KCNIP1: variants seen among roughly 807,000 people sequenced by gnomAD.
The protein encoded by KCNIP1 is potassium voltage-gated channel interacting protein 1.
A neutral mutation model predicts 33.0 loss-of-function variants in KCNIP1; 18 were observed. The observed-to-expected ratio is 0.55, with a 90% CI of 0.38 to 0.81. The LOEUF (loss-of-function observed/expected upper bound fraction) is 0.81. Ranked by LOEUF, KCNIP1 falls within the 30% of genes least tolerant of loss-of-function variation. The pLI, the probability that KCNIP1 is intolerant of heterozygous loss-of-function variation, is 0.00. For synonymous variants in KCNIP1, 93 were observed against 98.3 expected (o/e 0.95, Z 0.32); for missense variants, 238 against 271.6 (o/e 0.88, Z 0.87).
chr5:170,496,811 G>C (rs1179695270), intron 1 of KCNIP1, among the ~76,000 whole-genome samples: 2 of 152,072 alleles, frequency 1.3e-5, no homozygotes, highest in Non-Finnish European at 2.9e-5. Context: ...CGGTTGCCCA[G>C]GGCCACTCTC....
intron 1 of KCNIP1, among the ~76,000 whole-genome samples, chr5:170,525,227 G>T (rs1045526300): frequency 6.6e-6 from 1 of 152,192 alleles, no homozygotes; most frequent in Admixed American, 6.5e-5. Context: ...TAGCAGAGGG[G>T]CTAAGAGCAT....
intron 1 of KCNIP1, among the ~76,000 whole-genome samples, chr5:170,527,764 A>G (rs1163077849): frequency 6.6e-6 from 1 of 150,394 alleles, no homozygotes; most frequent in Non-Finnish European, 1.5e-5. Context: ...TCACCCCAGC[A>G]TGCATGTCTC....
intron 5 of KCNIP1, among the ~76,000 whole-genome samples, chr5:170,725,702 G>C (rs1416166658): frequency 6.6e-6 from 1 of 152,080 alleles, no homozygotes; most frequent in Non-Finnish European, 1.5e-5. Context: ...ATGCTTGAAG[G>C]GATGGATACC....
chr5:170,539,017 T>G lies in KCNIP1; in HGVS notation c.61+34384T>G, dbSNP rs148371496. On this transcript the variant is annotated intron_variant, in intron 1 of 7. Coordinates refer to ENST00000328939, the MANE Select transcript of KCNIP1 (RefSeq NM_014592.4). ...GGGGTGTCATTCATTCTCTTGGCTT[T>G]AAAGACCATCCATATGCAATCTGCA... Among the ~76,000 whole-genome samples the G allele has an allele frequency of 5.3e-5, 8 of 152,080 alleles. No homozygotes were observed. In the East Asian group the frequency reaches 1.6e-3, roughly 30 times the overall value.
intron 1 of KCNIP1, among the ~76,000 whole-genome samples, chr5:170,670,368 G>A (rs1250436482): frequency 1.3e-5 from 2 of 152,186 alleles, no homozygotes; most frequent in African/African-American, 2.4e-5. Flanking sequence ...TTAAGCCTAG[G>A]ATGGGCTGAC....
At chr5:170,602,847 G>A (rs1231644702) in intron 1 of KCNIP1, among the ~76,000 whole-genome samples, 1 of 152,236 alleles carries the variant, frequency 6.6e-6, no homozygotes, top group Non-Finnish European at 1.5e-5. Context: ...CGCAAGGTGA[G>A]GTGCCAGTCA....
intron 1 of KCNIP1, among the ~76,000 whole-genome samples, chr5:170,543,411 C>G (rs1363663668): frequency 6.6e-6 from 1 of 152,046 alleles, no homozygotes. Flanking sequence ...ATTGAAAGCA[C>G]AAAAATAAGT....
At chr5:170,617,918 T>C (rs1019184566) in intron 1 of KCNIP1, among the ~76,000 whole-genome samples, 8 of 152,192 alleles carry the variant, frequency 5.3e-5, no homozygotes, top group African/African-American at 1.9e-4. Context: ...GTAAATAAGA[T>C]GCAGGAGAGA....
chr5:170,676,494 T>C (rs1408864912), intron 1 of KCNIP1, among the ~76,000 whole-genome samples: 2 of 152,248 alleles, frequency 1.3e-5, no homozygotes, highest in Non-Finnish European at 2.9e-5. Context: ...GTTCTTTCAT[T>C]TCTTTCGCAC....
intron 1 of KCNIP1, among the ~76,000 whole-genome samples, chr5:170,637,709 C>T (rs953601): frequency 0.11 from 16,993 of 152,136 alleles, 1,101 homozygotes; most frequent in East Asian, 0.16. Flanking sequence ...AACAACTCTC[C>T]TCTCCTTCCC....
At chr5:170,511,762 T>G (rs943228805) in intron 1 of KCNIP1, among the ~76,000 whole-genome samples, 3 of 152,212 alleles carry the variant, frequency 2.0e-5, no homozygotes, top group Non-Finnish European at 4.4e-5. Flanking sequence ...AGTGCCTTAC[T>G]AAGGGTCATA....
intron 1 of KCNIP1, among the ~76,000 whole-genome samples, chr5:170,568,172 TC>T (rs1184300244): frequency 6.6e-6 from 1 of 152,176 alleles, no homozygotes; most frequent in Non-Finnish European, 1.5e-5. Flanking sequence ...TGGTTGCCAT[TC>T]TTATTGCTGG....
At chr5:170,479,051 T>A (rs981864594) in intron 1 of KCNIP1, among the ~76,000 whole-genome samples, 3 of 152,222 alleles carry the variant, frequency 2.0e-5, no homozygotes, top group African/African-American at 7.2e-5. Context: ...ATGTGTAGTG[T>A]CAGATAGAAT....
intron 1 of KCNIP1, among the ~76,000 whole-genome samples, chr5:170,431,160 T>C (rs1367563180): frequency 1.3e-5 from 2 of 152,154 alleles, no homozygotes; most frequent in Admixed American, 6.5e-5. Flanking sequence ...AGCAATTGGG[T>C]TGTGAATTGA....
At chr5:170,457,058 G>GA (rs1756398760) in intron 1 of KCNIP1, among the ~76,000 whole-genome samples, 1 of 151,634 alleles carries the variant, frequency 6.6e-6, no homozygotes, top group Non-Finnish European at 1.5e-5. Context: ...AACTGACCAA[G>GA]AAAAAAAGAA....
At chr5:170,533,895 G>C (rs946365777) in intron 1 of KCNIP1, among the ~76,000 whole-genome samples, 1 of 152,168 alleles carries the variant, frequency 6.6e-6, no homozygotes, top group African/African-American at 2.4e-5. Flanking sequence ...GATGGTTCCA[G>C]TGGGCAGCGG....
intron 1 of KCNIP1, among the ~76,000 whole-genome samples, chr5:170,631,148 C>T (rs1015192966): frequency 6.6e-5 from 10 of 152,134 alleles, no homozygotes; most frequent in East Asian, 1.9e-4. Flanking sequence ...ACAATGGCTG[C>T]GAAATTGCCT....
intron 1 of KCNIP1, among the ~76,000 whole-genome samples, chr5:170,443,138 C>A (rs1280348227): frequency 6.6e-6 from 1 of 152,154 alleles, no homozygotes; most frequent in African/African-American, 2.4e-5. Context: ...CCCCTCTTGT[C>A]CAGACCCAAA....
chr5:170,716,859 T>C lies in KCNIP1; in HGVS notation c.62-1899T>C, dbSNP rs568549696. 7.2e-5 allele frequency among the ~76,000 whole-genome samples: 11 copies of C among 152,360 alleles called. No individual in the cohort carries two copies. In the South Asian group the frequency reaches 2.3e-3, roughly 32 times the overall value. ...TAAGTGTACTGCAAAAAACCCTTCA[T>C]GCTTCTGGCTAAGATAAATCTAACA... On this transcript the variant is annotated intron_variant, in intron 1 of 7. Transcript: ENST00000328939.
Sources: gnomAD v4.1 joint callset for allele counts (sites outside exome capture counted in the v4.1 genomes callset) on GRCh38, gnomAD v4.1.1 for gene constraint, MANE v1.5 for transcripts, NCBI Gene and HGNC (gene_info 2026-07-23, HGNC 2026-07-21) for gene names.